The following ADAMTS18 variants were observed in gnomAD, a reference collection of about 807,000 sequenced individuals.
ADAMTS18 encodes the protein ADAM metallopeptidase with thrombospondin type 1 motif 18.
ADAMTS18 carries 157 observed loss-of-function variants against 165.9 expected under a neutral mutation model. The observed-to-expected ratio is 0.95, with a 90% CI of 0.83 to 1.08. The LOEUF (loss-of-function observed/expected upper bound fraction) is 1.08, where lower values mean the gene tolerates loss of function less well. ADAMTS18 is among the 50% of genes least tolerant of loss of function. The probability of loss-of-function intolerance (pLI) is 0.00; values close to 1 mark genes in which losing one functional copy is unlikely to be tolerated. For missense variants in ADAMTS18, 2,040 were observed against 1,534.0 expected, an observed-to-expected ratio of 1.33 and a Z score of -5.51; for synonymous variants, 782 against 578.2, an observed-to-expected ratio of 1.35 and a Z score of -5.06.
chr16:77,364,056 A>T (rs1036957016), intron 5 of ADAMTS18, 132 bp downstream of exon 5: 1 of 1,322,188 alleles, frequency 7.6e-7, no homozygotes, highest in African/African-American at 1.4e-5. Context: ...ATATGTAGCT[A>T]TTAAAAGTAA....
chr16:77,393,246 G>A lies in ADAMTS18; in HGVS notation c.496-25523C>T, dbSNP rs1006448970. On this transcript the variant is annotated intron_variant, in intron 3 of 22. Transcript: ENST00000282849. ...TGTGCAGCCCTCCTGGGTACAACTC[G>A]AAGTTCAGGGCAGTCATTATTACGC... Among the ~76,000 whole-genome samples the A allele has an allele frequency of 3.9e-5, 6 of 152,112 alleles. No individual in the cohort carries two copies. The East Asian group carries it at 7.7e-4, about 20-fold the overall frequency.
At position 77,387,057 on chromosome 16, in the gene ADAMTS18, C is replaced by A. The variant is rs146354233; in HGVS notation, c.496-19334G>T. Among the ~76,000 whole-genome samples, 251 of 152,260 alleles carry A rather than the reference C, an allele frequency of 1.6e-3. 2 individuals are homozygous for A. The highest frequency in any genetic ancestry group is 5.8e-3 in the African/African-American group (241 of 41,536). ...AGAGGGCTATTTGCATACTAATATG[C>A]CCCACCCAGATTCAGATGCAGAGGG... On this transcript the variant is annotated intron_variant, in intron 3 of 22. Transcript: ENST00000282849.
intron 3 of ADAMTS18, among the ~76,000 whole-genome samples, chr16:77,420,605 CTT>C (rs1210970567): frequency 1.3e-5 from 2 of 152,106 alleles, no homozygotes; most frequent in African/African-American, 4.8e-5. Context: ...ACAAAAGAAA[CTT>C]TTTACAAGGA....
At chr16:77,313,898 G>T (rs2055831587) in intron 16 of ADAMTS18, among the ~76,000 whole-genome samples, 1 of 152,158 alleles carries the variant, frequency 6.6e-6, no homozygotes. Flanking sequence ...TCTAAAAAAG[G>T]ACTTAAAAAA....
At chr16:77,302,372 T>C (rs749962756) in intron 16 of ADAMTS18, among the ~76,000 whole-genome samples, 5 of 152,160 alleles carry the variant, frequency 3.3e-5, no homozygotes, top group African/African-American at 4.8e-5. Context: ...GCAGAGACCT[T>C]GTACCACAGA....
intron 3 of ADAMTS18, among the ~76,000 whole-genome samples, chr16:77,423,607 G>A (rs970812692): frequency 3.9e-5 from 6 of 152,062 alleles, no homozygotes; most frequent in Admixed American, 6.6e-5. Context: ...CCTGTGTTAC[G>A]TAGCTAGCAA....
At chr16:77,333,033 G>A (rs981647016) in intron 12 of ADAMTS18, among the ~76,000 whole-genome samples, 3 of 152,058 alleles carry the variant, frequency 2.0e-5, no homozygotes, top group African/African-American at 4.8e-5. Flanking sequence ...AAGGTTTGCC[G>A]GCCAAACTTT....
chr16:77,417,961 A>C (rs866917918), intron 3 of ADAMTS18, among the ~76,000 whole-genome samples: 34 of 152,340 alleles, frequency 2.2e-4, no homozygotes, highest in Admixed American at 1.1e-3. Flanking sequence ...GGTCAACTGC[A>C]AAAGCCCAGA....
chr16:77,400,963 A>G (rs2057323881), intron 3 of ADAMTS18, among the ~76,000 whole-genome samples: 1 of 152,126 alleles, frequency 6.6e-6, no homozygotes, highest in African/African-American at 2.4e-5. Context: ...CTATTTTGAA[A>G]GAAACCAAAT....
rs899307840 is a variant in ADAMTS18, at chr16:77,363,866, T to A, written c.992A>T (p.Asp331Val). ...GTTTATGTCACTTCCAATAGTCCCATCTTTAAATAGGCCAGAAACCTGTTG... is the reference window on the plus strand; with the variant it reads ...GTTTATGTCACTTCCAATAGTCCCAACTTTAAATAGGCCAGAAACCTGTTG... ...VMNMVSGLFK[D>V]GTIGSDINVV... is the part of the protein sequence containing the mutation. The change falls in exon 6 of 23, where the codon GAT becomes GTT. Residue 331 changes from aspartate to valine, a missense_variant. Asp to Val is a radical substitution (Grantham distance 152). Transcript: ENST00000282849. 2 of 1,613,882 alleles carry A rather than the reference T, an allele frequency of 1.2e-6. No homozygotes were observed. The highest frequency in any genetic ancestry group is 2.2e-5 in the East Asian group (1 of 44,856).
chr16:77,397,842 T>C (rs36006983), intron 3 of ADAMTS18, among the ~76,000 whole-genome samples: 26,686 of 152,212 alleles, frequency 0.18, 3,018 homozygotes, highest in Non-Finnish European at 0.26. Flanking sequence ...CTGAAGACAG[T>C]AAGCACCTTC....
At chr16:77,383,474 T>C (rs1055729472) in intron 3 of ADAMTS18, among the ~76,000 whole-genome samples, 5 of 152,116 alleles carry the variant, frequency 3.3e-5, no homozygotes, top group Non-Finnish European at 5.9e-5. Context: ...CATTTGCTGT[T>C]TCCTGTGCCT....
At chr16:77,347,044 A>G (rs1227421575) in intron 10 of ADAMTS18, among the ~76,000 whole-genome samples, 1 of 152,186 alleles carries the variant, frequency 6.6e-6, no homozygotes, top group Non-Finnish European at 1.5e-5. Flanking sequence ...TAAATTTCAT[A>G]TAAATGGAAC....
intron 3 of ADAMTS18, among the ~76,000 whole-genome samples, chr16:77,412,873 C>A (rs763961150): frequency 2.0e-5 from 3 of 151,978 alleles, no homozygotes; most frequent in Non-Finnish European, 4.4e-5. Flanking sequence ...GGGATACAGC[C>A]AAACCATATC....
intron 3 of ADAMTS18, among the ~76,000 whole-genome samples, chr16:77,419,995 C>A (rs943641445): frequency 9.7e-6 from 1 of 102,896 alleles, no homozygotes; most frequent in Non-Finnish European, 2.0e-5. Context: ...GAGACTCTGT[C>A]GCAGATTAAA....
chr16:77,419,180 G>A (rs542312647), intron 3 of ADAMTS18, among the ~76,000 whole-genome samples: 1 of 152,206 alleles, frequency 6.6e-6, no homozygotes, highest in Admixed American at 6.5e-5. Context: ...TTAACTCCCA[G>A]TTGTGTAAGT....
intron 3 of ADAMTS18, among the ~76,000 whole-genome samples, chr16:77,387,951 A>G (rs569373621): frequency 5.3e-5 from 8 of 152,244 alleles, no homozygotes; most frequent in Admixed American, 5.2e-4. Flanking sequence ...ATCTCTCACC[A>G]CTACACTTAC....
chr16:77,295,847 C>G (rs1193209795), intron 18 of ADAMTS18, among the ~76,000 whole-genome samples: 1 of 151,866 alleles, frequency 6.6e-6, no homozygotes, highest in Non-Finnish European at 1.5e-5. Context: ...TCAATTGAAA[C>G]TTTTTTTGTT....
At chr16:77,361,520 A>C (rs1307081614) in intron 7 of ADAMTS18, among the ~76,000 whole-genome samples, 1 of 152,238 alleles carries the variant, frequency 6.6e-6, no homozygotes, top group East Asian at 1.9e-4. Flanking sequence ...CATGATGCTT[A>C]CAGAATAACC....
Sources: allele counts gnomAD v4.1 joint callset (sites outside exome capture counted in the v4.1 genomes callset), GRCh38; gene constraint gnomAD v4.1.1; transcripts MANE v1.5; gene names NCBI Gene and HGNC (gene_info 2026-07-23, HGNC 2026-07-21).